The following TBXAS1 variants were observed in gnomAD, a reference collection of about 807,000 sequenced individuals.
The protein encoded by TBXAS1 is thromboxane A synthase 1.
TBXAS1 carries 48 observed loss-of-function variants against 60.7 expected under a neutral mutation model. The observed-to-expected ratio is 0.79, with a 90% confidence interval of 0.63 to 1.01. The LOEUF (loss-of-function observed/expected upper bound fraction) is 1.01, where lower values mean the gene tolerates loss of function less well. Ranked by LOEUF, TBXAS1 falls within the 50% of genes least tolerant of loss-of-function variation. TBXAS1 has a pLI of 0.00. For synonymous variants in TBXAS1, 287 were observed against 269.7 expected (o/e 1.06, Z -0.63); for missense variants, 685 against 686.3 (o/e 1.00, Z 0.02).
chr7:140,019,382 G>C (rs1815358714), intron 12 of TBXAS1, among the ~76,000 whole-genome samples: 1 of 152,170 alleles, frequency 6.6e-6, no homozygotes, highest in Non-Finnish European at 1.5e-5. Context: ...TCAACATACA[G>C]TGCAGCAGCC....
At chr7:139,833,545 T>C (rs1353260072) in intron 1 of TBXAS1, among the ~76,000 whole-genome samples, 1 of 123,692 alleles carries the variant, frequency 8.1e-6, no homozygotes, top group Non-Finnish European at 1.7e-5. Flanking sequence ...ATTAGAGGGG[T>C]GTGGTGGTAG....
At chr7:139,902,370 A>G (rs945042623) in intron 3 of TBXAS1, among the ~76,000 whole-genome samples, 5 of 152,152 alleles carry the variant, frequency 3.3e-5, no homozygotes, top group Non-Finnish European at 5.9e-5. Context: ...ACAGCATGTA[A>G]TCTAATGATA....
At chr7:139,781,250 A>G (rs892304359) in intron 2 of TBXAS1, among the ~76,000 whole-genome samples, 2 of 152,228 alleles carry the variant, frequency 1.3e-5, no homozygotes, top group African/African-American at 2.4e-5. Context: ...ATGAATTGGC[A>G]GACTGAGTAT....
intron 1 of TBXAS1, among the ~76,000 whole-genome samples, chr7:139,845,239 C>T (rs1417619407): frequency 6.6e-6 from 1 of 152,090 alleles, no homozygotes; most frequent in Admixed American, 6.5e-5. Context: ...TGCATAAAAC[C>T]CTTTCCTGGT....
At chr7:139,845,830 T>G (rs570182356) in intron 1 of TBXAS1, among the ~76,000 whole-genome samples, 70 of 151,422 alleles carry the variant, frequency 4.6e-4, no homozygotes, top group East Asian at 9.7e-4. Context: ...CTAGTTTTTT[T>G]TTTTTTTTTT....
At chr7:139,970,500 G>A (rs981985770) in intron 9 of TBXAS1, among the ~76,000 whole-genome samples, 12 of 152,216 alleles carry the variant, frequency 7.9e-5, no homozygotes, top group African/African-American at 2.9e-4. Context: ...TGAACCATAC[G>A]TACTGTGTCT....
Position 139,875,863 on chromosome 7 carries a change from T to C in TBXAS1, c.236+226T>C, listed in dbSNP as rs968470968. ...GGGGGACTCTGCTGGCCTGAAAGAG[T>C]ACCACTTTCCAGCCTTTGCAGCCTT... On this transcript the variant is annotated intron_variant, in intron 3 of 12. Coordinates refer to ENST00000448866, the MANE Select transcript of TBXAS1 (RefSeq NM_001061.7). The C allele has an allele frequency of 2.6e-5, 15 of 585,212 alleles. No individual in the cohort carries two copies. In the African/African-American group the frequency reaches 2.6e-4, roughly 10 times the overall value. 36.3% of individuals were successfully genotyped at this position (585,212 alleles called of 1,614,324 possible).
intron 3 of TBXAS1, among the ~76,000 whole-genome samples, chr7:139,878,712 A>G (rs983982608): frequency 2.6e-5 from 4 of 152,260 alleles, no homozygotes; most frequent in Admixed American, 6.5e-5. Flanking sequence ...ACTATGCTCA[A>G]TGAACAGCAA....
intron 10 of TBXAS1, 118 bp downstream of exon 10, chr7:140,007,300 C>T: frequency 1.1e-6 from 1 of 899,202 alleles, no homozygotes; most frequent in Non-Finnish European, 1.8e-6. Context: ...GAGGGCAACG[C>T]CTGAGTCCTG....
intron 8 of TBXAS1, among the ~76,000 whole-genome samples, chr7:139,960,261 C>T (rs1487518420): frequency 6.6e-6 from 1 of 152,192 alleles, no homozygotes; most frequent in Non-Finnish European, 1.5e-5. Context: ...GCAGCCAAGA[C>T]TCCCGCTCTA....
At chr7:139,788,178 T>G (rs2117239056) in intron 4 of TBXAS1, among the ~76,000 whole-genome samples, 1 of 152,344 alleles carries the variant, frequency 6.6e-6, no homozygotes, top group South Asian at 2.1e-4. Context: ...TTAAGATTAA[T>G]GAAAATAAAC....
intron 3 of TBXAS1, among the ~76,000 whole-genome samples, chr7:139,880,033 GC>G (rs1802578879): frequency 6.6e-6 from 1 of 152,142 alleles, no homozygotes; most frequent in Non-Finnish European, 1.5e-5. Flanking sequence ...ACAGGCATGT[GC>G]CATCACGCCC....
At chr7:139,959,500 T>C (rs1185573010) in intron 8 of TBXAS1, among the ~76,000 whole-genome samples, 1 of 152,136 alleles carries the variant, frequency 6.6e-6, no homozygotes, top group Non-Finnish European at 1.5e-5. Flanking sequence ...CCTGATGCCA[T>C]GTGAATAAAA....
chr7:139,892,469 T>G (rs987022602), intron 3 of TBXAS1, among the ~76,000 whole-genome samples: 1 of 152,144 alleles, frequency 6.6e-6, no homozygotes, highest in African/African-American at 2.4e-5. Flanking sequence ...GCCGCGCACC[T>G]GTAATCCCAG....
chr7:139,987,624 T>G (rs569910252), intron 9 of TBXAS1, among the ~76,000 whole-genome samples: 2 of 152,314 alleles, frequency 1.3e-5, no homozygotes, highest in African/African-American at 4.8e-5. Context: ...ATAAATCAGT[T>G]GTCAGGACCC....
At chr7:139,922,362 A>G (rs1203593145) in intron 4 of TBXAS1, among the ~76,000 whole-genome samples, 1 of 151,904 alleles carries the variant, frequency 6.6e-6, no homozygotes, top group Admixed American at 6.6e-5. Flanking sequence ...TTCACCTCCC[A>G]AAGTGCTGGG....
At chr7:139,979,013 G>T (rs940066877) in intron 9 of TBXAS1, among the ~76,000 whole-genome samples, 3 of 152,152 alleles carry the variant, frequency 2.0e-5, no homozygotes, top group African/African-American at 7.2e-5. Flanking sequence ...TGACTTCAAG[G>T]TAGAGGCAGA....
intron 3 of TBXAS1, among the ~76,000 whole-genome samples, chr7:139,890,504 C>G (rs893768285): frequency 6.6e-6 from 1 of 151,922 alleles, no homozygotes; most frequent in Non-Finnish European, 1.5e-5. Context: ...CGTGAGCCAC[C>G]GCGCCCGGCC....
At chr7:139,878,181 GAGAGAAAGAGAC>G (rs982678868) in intron 3 of TBXAS1, among the ~76,000 whole-genome samples, 2 of 148,552 alleles carry the variant, frequency 1.3e-5, no homozygotes, top group East Asian at 2.0e-4. Context: ...GAGAAAAGGA[GAGAGAAAGAGAC>G]AGAGAAAGAG....
Sources: gnomAD v4.1 joint callset for allele counts (sites outside exome capture counted in the v4.1 genomes callset) on GRCh38, gnomAD v4.1.1 for gene constraint, MANE v1.5 for transcripts, NCBI Gene and HGNC (gene_info 2026-07-23, HGNC 2026-07-21) for gene names.